Variants in SLC35F1 observed in about 807,000 individuals in gnomAD.
SLC35F1 encodes the protein chromosome 6 open reading frame 169.
Under a neutral mutation model 48.7 loss-of-function variants are expected in SLC35F1, and 14 were observed. The observed-to-expected ratio is 0.29, with a 90% CI of 0.19 to 0.45. SLC35F1 has a LOEUF of 0.45. Ranked by LOEUF, SLC35F1 falls within the 20% of genes least tolerant of loss-of-function variation. SLC35F1 has a pLI of 1.00. For synonymous variants in SLC35F1, 190 were observed against 202.2 expected (o/e 0.94, Z 0.51); for missense variants, 404 against 500.0 (o/e 0.81, Z 1.83).
intron 7 of SLC35F1, among the ~76,000 whole-genome samples, chr6:118,302,151 T>C (rs904646036): frequency 1.1e-4 from 17 of 152,222 alleles, no homozygotes; most frequent in Admixed American, 2.0e-4. Flanking sequence ...CACACAATGC[T>C]GTGAAATATC....
chr6:117,949,958 C>T (rs1776342036), intron 1 of SLC35F1, among the ~76,000 whole-genome samples: 1 of 152,124 alleles, frequency 6.6e-6, no homozygotes. Context: ...TCGTCCCCCA[C>T]CCACTCTGGG....
chr6:118,183,497 AAAATT>A (rs1282401260), intron 2 of SLC35F1, among the ~76,000 whole-genome samples: 7 of 151,334 alleles, frequency 4.6e-5, no homozygotes, highest in East Asian at 1.9e-4. Context: ...TAATAATAAT[AAAATT>A]AAATTAAATT....
intron 3 of SLC35F1, among the ~76,000 whole-genome samples, chr6:118,264,658 C>G (rs576169522): frequency 6.6e-6 from 1 of 152,216 alleles, no homozygotes. Flanking sequence ...GGAATAGAGG[C>G]CTTCAGCTCC....
chr6:118,135,982 C>G (rs745880614), intron 1 of SLC35F1, among the ~76,000 whole-genome samples: 4 of 152,104 alleles, frequency 2.6e-5, no homozygotes, highest in Non-Finnish European at 5.9e-5. Context: ...ACTGGGCCTG[C>G]GAGAAGATGG....
intron 1 of SLC35F1, among the ~76,000 whole-genome samples, chr6:117,938,025 C>T (rs1562243045): frequency 6.6e-6 from 1 of 152,144 alleles, no homozygotes; most frequent in African/African-American, 2.4e-5. Flanking sequence ...GAGACTAGTT[C>T]AATCATCTAT....
At chr6:117,961,455 T>A (rs928034459) in intron 1 of SLC35F1, among the ~76,000 whole-genome samples, 1 of 152,190 alleles carries the variant, frequency 6.6e-6, no homozygotes, top group Non-Finnish European at 1.5e-5. Context: ...GACTGATTAA[T>A]AGAAGAGAGC....
chr6:118,308,791 G>A (rs1328618717), intron 7 of SLC35F1, among the ~76,000 whole-genome samples: 1 of 152,122 alleles, frequency 6.6e-6, no homozygotes, highest in African/African-American at 2.4e-5. Context: ...ATTCATTTCT[G>A]TGCAGCCCCT....
At chr6:118,100,585 G>A (rs1773242618) in intron 1 of SLC35F1, among the ~76,000 whole-genome samples, 1 of 152,144 alleles carries the variant, frequency 6.6e-6, no homozygotes, top group African/African-American at 2.4e-5. Context: ...AAAGTCTAGG[G>A]GGGTTTCAAA....
chr6:118,186,367 C>A (rs1317018054), intron 2 of SLC35F1, among the ~76,000 whole-genome samples: 2 of 151,826 alleles, frequency 1.3e-5, no homozygotes, highest in East Asian at 1.9e-4. Context: ...CCCCCACCCC[C>A]ACACCCTTAC....
chr6:118,050,456 G>C (rs1186409001), intron 1 of SLC35F1, among the ~76,000 whole-genome samples: 1 of 151,816 alleles, frequency 6.6e-6, no homozygotes, highest in Non-Finnish European at 1.5e-5. Context: ...GAATAGCAGA[G>C]AGAATGAAAG....
chr6:118,049,533 C>T (rs530170890), intron 1 of SLC35F1, among the ~76,000 whole-genome samples: 2 of 151,724 alleles, frequency 1.3e-5, no homozygotes, highest in African/African-American at 4.8e-5. Context: ...AAACAAACAA[C>T]CCCATCAAAA....
intron 2 of SLC35F1, among the ~76,000 whole-genome samples, chr6:118,168,942 C>T (rs1454197199): frequency 6.6e-6 from 1 of 152,218 alleles, no homozygotes; most frequent in East Asian, 1.9e-4. Flanking sequence ...CAACAACTCA[C>T]TGGGACTGTT....
chr6:118,293,126 G>T (rs1366654210), intron 7 of SLC35F1, among the ~76,000 whole-genome samples: 1 of 152,088 alleles, frequency 6.6e-6, no homozygotes, highest in Non-Finnish European at 1.5e-5. Context: ...TATAAGTATT[G>T]TACAAACAAG....
chr6:118,036,121 G>A (rs769361962), intron 1 of SLC35F1, among the ~76,000 whole-genome samples: 1 of 152,044 alleles, frequency 6.6e-6, no homozygotes, highest in Non-Finnish European at 1.5e-5. Flanking sequence ...GCTTCTTGAG[G>A]TAGAACTTCA....
Position 118,035,487 on chromosome 6 carries a change from G to A in SLC35F1, c.174-118958G>A, listed in dbSNP as rs570459058. On this transcript the variant is annotated intron_variant, in intron 1 of 7. Transcript: ENST00000360388. ...AAATTAGCTGGGCATGGTGGCACAT[G>A]CCCGTAATCCCAGCTACTCGGGAGG... Among the ~76,000 whole-genome samples the A allele has an allele frequency of 1.9e-3, 290 of 150,642 alleles. 4 individuals carry two copies. Among genetic ancestry groups the A allele is most frequent in the African/African-American group, 6.2e-3 (257 of 41,172 alleles).
At position 118,315,891 on chromosome 6, in the gene SLC35F1, A is replaced by T. The variant is rs550556954; in HGVS notation, c.*1639A>T. On this transcript the variant is annotated 3_prime_UTR_variant, in exon 8 of 8. Transcript: ENST00000360388. The stretch of plus-strand genomic sequence containing the variant: ...CACAGACCTCTATTATTTAGAATAG[A>T]TTCTATGTGTCAGTATGTGATGTAC... 1 of 152,300 alleles carries T rather than the reference A, an allele frequency of 6.6e-6. No individual in the cohort carries two copies. Among genetic ancestry groups the T allele is most frequent in the South Asian group, 2.1e-4 (1 of 4,828 alleles). The allele number at this position is 152,300 out of a possible 1,614,324, so 9.4% of individuals were successfully genotyped here.
chr6:117,934,716 TACAAA>T (rs2114814950), intron 1 of SLC35F1, among the ~76,000 whole-genome samples: 1 of 152,350 alleles, frequency 6.6e-6, no homozygotes, highest in Admixed American at 6.5e-5. Flanking sequence ...TCTGATATTG[TACAAA>T]ACAAATGTCA....
intron 2 of SLC35F1, among the ~76,000 whole-genome samples, chr6:118,162,346 T>C (rs370239334): frequency 3.9e-4 from 59 of 152,214 alleles, no homozygotes; most frequent in African/African-American, 1.4e-3. Flanking sequence ...AGAGAATAGA[T>C]CAGTGGTTTC....
At chr6:118,295,141 G>A (rs2114652668) in intron 7 of SLC35F1, among the ~76,000 whole-genome samples, 1 of 152,124 alleles carries the variant, frequency 6.6e-6, no homozygotes, top group Non-Finnish European at 1.5e-5. Flanking sequence ...ATATGTGCCA[G>A]CTTCTCTTAC....
Sources: gnomAD v4.1 joint callset for allele counts (sites outside exome capture counted in the v4.1 genomes callset) on GRCh38, gnomAD v4.1.1 for gene constraint, MANE v1.5 for transcripts, NCBI Gene and HGNC (gene_info 2026-07-23, HGNC 2026-07-21) for gene names.